Variants in CCSER1 observed in about 807,000 individuals in gnomAD.
The protein encoded by CCSER1 is serine-rich coiled-coil domain-containing protein 1.
A neutral mutation model predicts 82.0 loss-of-function variants in CCSER1; 41 were observed. That is an observed-to-expected ratio of 0.50 (90% confidence interval 0.39 to 0.65). The LOEUF is 0.65. Ranked by LOEUF, CCSER1 falls within the 30% of genes least tolerant of loss-of-function variation. The pLI is 0.00. For synonymous variants in CCSER1, 414 were observed against 383.9 expected, an observed-to-expected ratio of 1.08 and a Z score of -0.92; for missense variants, 1,119 against 1,064.2, an observed-to-expected ratio of 1.05 and a Z score of -0.72.
chr4:90,429,208 G>A (rs781373669), intron 4 of CCSER1, among the ~76,000 whole-genome samples: 1 of 151,708 alleles, frequency 6.6e-6, no homozygotes, highest in African/African-American at 2.4e-5. Context: ...TATTTGCTTA[G>A]TGTTCACTTT....
chr4:91,481,842 A>G (rs1230257151), intron 10 of CCSER1, among the ~76,000 whole-genome samples: 1 of 152,184 alleles, frequency 6.6e-6, no homozygotes, highest in East Asian at 1.9e-4. Flanking sequence ...CAGGCAACCT[A>G]CAGAATGGGA....
intron 9 of CCSER1, among the ~76,000 whole-genome samples, chr4:91,009,197 A>T (rs1738790917): frequency 6.6e-6 from 1 of 152,198 alleles, no homozygotes; most frequent in Non-Finnish European, 1.5e-5. Flanking sequence ...ACAGAGCAGA[A>T]GAGAGTGCAT....
intron 10 of CCSER1, among the ~76,000 whole-genome samples, chr4:91,529,276 T>C (rs930513383): frequency 6.6e-6 from 1 of 152,130 alleles, no homozygotes; most frequent in Non-Finnish European, 1.5e-5. Context: ...TTTATGTGTG[T>C]ATTTTTTGTT....
intron 10 of CCSER1, among the ~76,000 whole-genome samples, chr4:91,506,760 CA>C (rs1234157465): frequency 6.6e-6 from 1 of 152,040 alleles, no homozygotes; most frequent in African/African-American, 2.4e-5. Flanking sequence ...CAACCATTAC[CA>C]TTGCCTAATT....
chr4:90,439,756 G>T (rs564238431), intron 4 of CCSER1, among the ~76,000 whole-genome samples: 1 of 152,286 alleles, frequency 6.6e-6, no homozygotes, highest in African/African-American at 2.4e-5. Context: ...TGCTGGACTG[G>T]ATTAGAGTGC....
At chr4:90,822,303 CAGCAGTTTATATTTCT>C (rs1337008411) in intron 8 of CCSER1, among the ~76,000 whole-genome samples, 1 of 152,122 alleles carries the variant, frequency 6.6e-6, no homozygotes, top group Non-Finnish European at 1.5e-5. Context: ...TGTAAGTTGT[CAGCAGTTTATATTTCT>C]GAACTTTTGG....
intron 10 of CCSER1, among the ~76,000 whole-genome samples, chr4:91,364,513 T>C (rs927878438): frequency 2.6e-5 from 4 of 152,092 alleles, no homozygotes; most frequent in African/African-American, 7.2e-5. Flanking sequence ...TAAATGTTAC[T>C]AGTTATCCAA....
At chr4:91,345,167 G>T (rs773005888) in intron 10 of CCSER1, among the ~76,000 whole-genome samples, 12 of 152,202 alleles carry the variant, frequency 7.9e-5, no homozygotes, top group Non-Finnish European at 1.3e-4. Context: ...AAGGTGTGCA[G>T]ATCACTTGAG....
chr4:91,154,583 A>C (rs956361299), intron 10 of CCSER1, among the ~76,000 whole-genome samples: 2 of 151,986 alleles, frequency 1.3e-5, no homozygotes, highest in Non-Finnish European at 2.9e-5. Flanking sequence ...CCTCAGTTGA[A>C]AATGCAGGAA....
chr4:90,551,706 C>CTCTCTCTCTCTCTATA, intron 5 of CCSER1, among the ~76,000 whole-genome samples: 65 of 104,230 alleles, frequency 6.2e-4, no homozygotes, highest in South Asian at 1.6e-3. Flanking sequence ...CTCTCTCTCT[C>CTCTCTCTCTCTCTATA]TATATATATA....
chr4:90,364,261 C>A (rs181337228), intron 3 of CCSER1, among the ~76,000 whole-genome samples: 1 of 151,976 alleles, frequency 6.6e-6, no homozygotes, highest in African/African-American at 2.4e-5. Flanking sequence ...CTGTCTCTCT[C>A]CCCCAAGTTC....
chr4:90,564,006 G>A (rs1779083289), intron 5 of CCSER1, among the ~76,000 whole-genome samples: 1 of 152,002 alleles, frequency 6.6e-6, no homozygotes, highest in South Asian at 2.1e-4. Flanking sequence ...ATCTCATTGT[G>A]GTTTTGATTT....
intron 1 of CCSER1, among the ~76,000 whole-genome samples, chr4:90,281,942 C>A (rs1261619154): frequency 6.6e-6 from 1 of 152,056 alleles, no homozygotes; most frequent in Admixed American, 6.6e-5. Flanking sequence ...GGCTGCATTT[C>A]ACTCTCACAC....
intron 9 of CCSER1, among the ~76,000 whole-genome samples, chr4:91,079,074 A>G (rs761922248): frequency 3.3e-5 from 5 of 152,206 alleles, no homozygotes; most frequent in Non-Finnish European, 7.3e-5. Context: ...GGAAATACAG[A>G]GAACGCCACA....
At chr4:91,037,527 T>C (rs1741553142) in intron 9 of CCSER1, among the ~76,000 whole-genome samples, 1 of 152,176 alleles carries the variant, frequency 6.6e-6, no homozygotes, top group Non-Finnish European at 1.5e-5. Flanking sequence ...ACTTTAACCT[T>C]TGTTTTAGCA....
chr4:91,544,039 C>A (rs188715116), intron 10 of CCSER1, among the ~76,000 whole-genome samples: 12 of 152,128 alleles, frequency 7.9e-5, no homozygotes, highest in Middle Eastern at 3.4e-3. Flanking sequence ...CTTCTCGCTC[C>A]ATTTCATTCA....
chr4:91,473,327 C>T (rs1578553937), intron 10 of CCSER1, among the ~76,000 whole-genome samples: 1 of 152,172 alleles, frequency 6.6e-6, no homozygotes, highest in Non-Finnish European at 1.5e-5. Flanking sequence ...CATGAAGCAG[C>T]TCTTTGCACA....
At chr4:90,907,598 T>A (rs1366636378) in intron 8 of CCSER1, among the ~76,000 whole-genome samples, 2 of 152,130 alleles carry the variant, frequency 1.3e-5, no homozygotes, top group Non-Finnish European at 2.9e-5. Context: ...GTATATAAGA[T>A]TCTTTTTTAA....
At position 90,127,564 on chromosome 4, in the gene CCSER1, C is replaced by T. The variant is rs1346159323; in HGVS notation, c.-309C>T. 6.5e-6 allele frequency: 1 copy of T among 152,752 alleles called. No individual in the cohort carries two copies. Among genetic ancestry groups the T allele is most frequent in the East Asian group, 1.9e-4 (1 of 5,202 alleles). The allele number at this position is 152,752 out of a possible 1,614,324, so 9.5% of individuals were successfully genotyped here. ...AGTCGCCGACCTACTGCCAATCCGC[C>T]TCTCCTCTCTCTCTCTCTCTGTCTC... On this transcript the variant is annotated 5_prime_UTR_variant, in exon 1 of 11. Transcript: ENST00000509176.
Sources: gnomAD v4.1 joint callset for allele counts (sites outside exome capture counted in the v4.1 genomes callset) on GRCh38, gnomAD v4.1.1 for gene constraint, MANE v1.5 for transcripts, NCBI Gene and HGNC (gene_info 2026-07-23, HGNC 2026-07-21) for gene names.